The following ZNF705G variants were observed in gnomAD, a reference collection of about 807,000 sequenced individuals.
ZNF705G encodes the protein zinc finger protein 705G.
In ZNF705G, 23 loss-of-function variants were observed where a neutral mutation model predicts 19.6. That is an observed-to-expected ratio of 1.17 (90% CI 0.84 to 1.66). ZNF705G has a LOEUF of 1.66. Ranked by LOEUF, ZNF705G falls within the 40% of genes most tolerant of loss-of-function variation. The pLI, the probability that ZNF705G is intolerant of heterozygous loss-of-function variation, is 0.00. For synonymous variants in ZNF705G, 146 were observed against 117.7 expected (o/e 1.24, Z -1.56); for missense variants, 457 against 354.4 (o/e 1.29, Z -2.32).
At chr8:7,362,086 C>A (rs1806628637) in intron 3 of ZNF705G, among the ~76,000 whole-genome samples, 1 of 149,572 alleles carries the variant, frequency 6.7e-6, no homozygotes, top group Non-Finnish European at 1.5e-5. Flanking sequence ...TTTAAATTTA[C>A]CTTCTCACTA....
At position 7,365,230 on chromosome 8, in the gene ZNF705G, G is replaced by C. The variant is rs139113846; in HGVS notation, c.-71-2213C>G. Among the ~76,000 whole-genome samples, 16 of 149,628 alleles carry C rather than the reference G, an allele frequency of 1.1e-4. No homozygotes were observed. In the East Asian group the frequency reaches 3.1e-3, roughly 29 times the overall value. On this transcript the variant is annotated intron_variant, in intron 2 of 6. Coordinates refer to ENST00000400156, the MANE Select transcript of ZNF705G (RefSeq NM_001164457.3). ...CTTTAGGAGAAACTTAAAAACTTAT[G>C]TTATGGGTCTAAAATTTTCATTAAT... is the stretch of plus-strand genomic sequence containing the variant.
intron 2 of ZNF705G, among the ~76,000 whole-genome samples, chr8:7,376,704 G>T (rs1309357518): frequency 6.7e-6 from 1 of 150,178 alleles, no homozygotes; most frequent in Non-Finnish European, 1.5e-5. Context: ...AGTGAGTGAA[G>T]TCTCAGGGTG....
chr8:7,366,610 C>G (rs1423969246), intron 2 of ZNF705G, among the ~76,000 whole-genome samples: 1 of 149,338 alleles, frequency 6.7e-6, no homozygotes, highest in Non-Finnish European at 1.5e-5. Context: ...CGTAAAAGTA[C>G]CAATACAATA....
In ZNF705G at chr8:7,359,661, C is replaced by T. The variant is rs1162457130; in HGVS notation, c.276G>A (p.Met92Ile). 1.9e-6 allele frequency: 3 copies of T among 1,606,732 alleles called. No homozygotes were observed. Among genetic ancestry groups the T allele is most frequent in the East Asian group, 2.2e-5 (1 of 44,824 alleles). Residue 92 changes from methionine (M) to isoleucine (I), a missense_variant, in exon 6 of 7, where the codon ATG becomes ATA. Physicochemically the swap from Met to Ile is conservative, Grantham distance 10. Transcript: ENST00000400156. ...ATGCGTCTTTTCTGGTGATAGGATG[C>T]ATGGATATCATGTGTGTTTTCTTAA... ...SALKKTHMIS[M>I]HPITRKDAST...
chr8:7,361,481 C>G (rs1413838788), intron 3 of ZNF705G, among the ~76,000 whole-genome samples: 1 of 149,520 alleles, frequency 6.7e-6, no homozygotes, highest in Middle Eastern at 3.2e-3. Context: ...ATAATATAAC[C>G]CAGATATTTT....
intron 2 of ZNF705G, among the ~76,000 whole-genome samples, chr8:7,379,405 C>T (rs9720658): frequency 0.57 from 83,394 of 145,934 alleles, 20,423 homozygotes; most frequent in East Asian, 0.65. Flanking sequence ...ATATTAAAGC[C>T]GTCACATAGA....
At position 7,367,302 on chromosome 8, in the gene ZNF705G, T is replaced by G. The variant is rs868690119; in HGVS notation, c.-71-4285A>C. On this transcript the variant is annotated intron_variant, in intron 2 of 6. Transcript: ENST00000400156. ...GTGATGGCCTGTCAATTATCACATT[T>G]CCTCTCTAAAAATGATAATTAGGCA... Among the ~76,000 whole-genome samples, 97 of 149,272 alleles carry G rather than the reference T, an allele frequency of 6.5e-4. 3 individuals carry two copies. The highest frequency in any genetic ancestry group is 9.7e-4 in the Non-Finnish European group (66 of 67,980).
chr8:7,364,733 C>A (rs1278567080), intron 2 of ZNF705G, among the ~76,000 whole-genome samples: 3 of 149,414 alleles, frequency 2.0e-5, no homozygotes, highest in Non-Finnish European at 2.9e-5. Context: ...TCAATATCAA[C>A]TTTTTTCTTA....
At position 7,357,681 on chromosome 8, in the gene ZNF705G, G is replaced by C. The variant is rs1373650730; in HGVS notation, c.*295C>G. ...CTCTTCCATATGAATTTATTGATGT[G>C]GACTGAAGAATAAAGGTAACTGAAG... is the stretch of plus-strand genomic sequence containing the variant. On this transcript the variant is annotated 3_prime_UTR_variant, in exon 7 of 7. Coordinates refer to ENST00000400156, the MANE Select transcript of ZNF705G (RefSeq NM_001164457.3). 6.8e-5 allele frequency: 36 copies of C among 532,794 alleles called. No homozygotes were observed. The Admixed American group carries it at 8.8e-4, about 13-fold the overall frequency. 33.0% of individuals were successfully genotyped at this position (532,794 alleles called of 1,614,324 possible).
At chr8:7,363,750 G>A (rs1287400771) in intron 2 of ZNF705G, among the ~76,000 whole-genome samples, 4 of 149,014 alleles carry the variant, frequency 2.7e-5, no homozygotes, top group African/African-American at 5.2e-5. Context: ...GAACCCAGGA[G>A]GCAGAGATTA....
intron 5 of ZNF705G, 115 bp downstream of exon 5, chr8:7,360,122 A>G: frequency 8.1e-7 from 1 of 1,234,202 alleles, no homozygotes; most frequent in South Asian, 1.3e-5. Context: ...CCAGTAGCCT[A>G]ACCTACATTT....
At chr8:7,385,436 GC>G (rs1807682026) in intron 1 of ZNF705G, 61 bp downstream of exon 1, 1 of 149,228 alleles carries the variant, frequency 6.7e-6, no homozygotes, top group South Asian at 2.1e-4. Flanking sequence ...CACCCTGAAA[GC>G]AAGCCTCTTT....
intron 2 of ZNF705G, among the ~76,000 whole-genome samples, chr8:7,364,414 T>G (rs1294293240): frequency 6.7e-6 from 1 of 149,798 alleles, no homozygotes; most frequent in African/African-American, 2.6e-5. Context: ...TGCTTACAGA[T>G]GTACATATAT....
rs757738120 is a variant in ZNF705G, at chr8:7,364,615, C to G, written c.-71-1598G>C. On this transcript the variant is annotated intron_variant, in intron 2 of 6. Coordinates refer to ENST00000400156, the MANE Select transcript of ZNF705G (RefSeq NM_001164457.3). The stretch of plus-strand genomic sequence containing the variant: ...CAAAATTACTCCCCTAACCAACGTT[C>G]TCTATGATTCTGGGGACTCCAGTAT... 2.8e-4 allele frequency among the ~76,000 whole-genome samples: 42 copies of G among 149,804 alleles called. 1 individual carries two copies. Among genetic ancestry groups the G allele is most frequent in the Non-Finnish European group, 4.9e-4 (33 of 68,012 alleles).
chr8:7,367,022 G>T (rs192873705), intron 2 of ZNF705G, among the ~76,000 whole-genome samples: 1 of 149,486 alleles, frequency 6.7e-6, no homozygotes, highest in Non-Finnish European at 1.5e-5. Flanking sequence ...TACTATTTTG[G>T]CCAATACAGA....
chr8:7,358,129 G>A lies in ZNF705G; in HGVS notation c.750C>T (p.His250=), dbSNP rs564690186. ...CACATTCATAACACTTTTTTCCAAGGTGAGTTCTCTCATGTCTTTGAAGGT... is the reference window on the plus strand; with the variant it reads ...CACATTCATAACACTTTTTTCCAAGATGAGTTCTCTCATGTCTTTGAAGGT... The part of the protein sequence containing the change: ...SFNLQRHERT[H]LGKKCYECDK... The change falls in exon 7 of 7, where the codon CAC becomes CAT. Residue 250 remains histidine, a synonymous_variant. Coordinates refer to ENST00000400156, the MANE Select transcript of ZNF705G (RefSeq NM_001164457.3). 5.6e-6 allele frequency: 9 copies of A among 1,607,560 alleles called. No individual in the cohort carries two copies. The South Asian group carries it at 6.6e-5, about 12-fold the overall frequency.
Position 7,360,721 on chromosome 8 carries a change from G to A in ZNF705G, c.139+389C>T, listed in dbSNP as rs1288050022. ...TACAAAAATAATTGGTGTTCTATAT[G>A]GAAAAGATATTGCTATTGTTTTCCC... is the stretch of plus-strand genomic sequence containing the variant. On this transcript the variant is annotated intron_variant, in intron 4 of 6. Coordinates refer to ENST00000400156, the MANE Select transcript of ZNF705G (RefSeq NM_001164457.3). 6.0e-5 allele frequency among the ~76,000 whole-genome samples: 9 copies of A among 149,384 alleles called. No homozygotes were observed. In the East Asian group the frequency reaches 1.2e-3, roughly 19 times the overall value.
intron 2 of ZNF705G, among the ~76,000 whole-genome samples, chr8:7,365,502 C>G (rs1182601489): frequency 6.7e-6 from 1 of 148,700 alleles, no homozygotes; most frequent in Admixed American, 6.6e-5. Flanking sequence ...CCTCAGCCTC[C>G]TGAGTAGCTG....
At chr8:7,380,389 G>A (rs2128847666) in intron 2 of ZNF705G, among the ~76,000 whole-genome samples, 1 of 147,726 alleles carries the variant, frequency 6.8e-6, no homozygotes, top group South Asian at 2.1e-4. Flanking sequence ...TGTGAACTGA[G>A]TATGAGCCCA....
Sources: allele counts gnomAD v4.1 joint callset (sites outside exome capture counted in the v4.1 genomes callset), GRCh38; gene constraint gnomAD v4.1.1; transcripts MANE v1.5; gene names NCBI Gene and HGNC (gene_info 2026-07-23, HGNC 2026-07-21).